The following GAS7 variants were observed in gnomAD, a reference collection of about 807,000 sequenced individuals.
The protein encoded by GAS7 is growth arrest-specific protein 7.
GAS7 carries 28 observed loss-of-function variants against 71.1 expected under a neutral mutation model. That is an observed-to-expected ratio of 0.39 (90% CI 0.29 to 0.54). GAS7 has a LOEUF of 0.54. Among genes scored for constraint, GAS7 ranks in the 20% least tolerant of loss-of-function variants. GAS7 has a pLI of 0.62. For synonymous variants in GAS7, 258 were observed against 245.8 expected, an observed-to-expected ratio of 1.05 and a Z score of -0.46; for missense variants, 436 against 627.8, an observed-to-expected ratio of 0.69 and a Z score of 3.27.
At chr17:10,168,255 AAAT>A (rs2074309853) in intron 1 of GAS7, among the ~76,000 whole-genome samples, 1 of 152,372 alleles carries the variant, frequency 6.6e-6, no homozygotes, top group Admixed American at 6.5e-5. Context: ...TAACAAAAAA[AAAT>A]AACTTCAAGA....
intron 1 of GAS7, among the ~76,000 whole-genome samples, chr17:10,091,748 C>A (rs1285827968): frequency 6.6e-6 from 1 of 152,118 alleles, no homozygotes; most frequent in African/African-American, 2.4e-5. Flanking sequence ...GTGACACCAT[C>A]TCGGCTCACT....
At chr17:10,151,017 G>A (rs1285477908) in intron 1 of GAS7, among the ~76,000 whole-genome samples, 1 of 152,178 alleles carries the variant, frequency 6.6e-6, no homozygotes, top group Admixed American at 6.5e-5. Context: ...AACGCATGAA[G>A]TTGTTGTTAG....
chr17:10,078,755 A>G (rs1036639045), intron 1 of GAS7, among the ~76,000 whole-genome samples: 1 of 152,214 alleles, frequency 6.6e-6, no homozygotes, highest in Non-Finnish European at 1.5e-5. Flanking sequence ...TAAACATATC[A>G]TTTAGAAAAA....
intron 13 of GAS7, 49 bp from the exon 14 acceptor site, chr17:9,917,390 C>T: frequency 7.8e-7 from 1 of 1,276,834 alleles, no homozygotes; most frequent in Non-Finnish European, 1.1e-6. Context: ...GCGGCCAAGC[C>T]AGGGAGGTCT....
Position 9,912,290 on chromosome 17 carries a change from T to C in GAS7, c.*4938A>G, listed in dbSNP as rs1408788688. 2 of 232,898 alleles carry C rather than the reference T, an allele frequency of 8.6e-6. No homozygotes were observed. Among genetic ancestry groups the C allele is most frequent in the East Asian group, 1.2e-4 (2 of 16,534 alleles). 14.4% of individuals were successfully genotyped at this position (232,898 alleles called of 1,614,324 possible). A position where few individuals can be genotyped will look rare whatever the true frequency, so the allele number is the denominator to read the frequency against. Reference sequence around the variant, plus strand: ...GTGCAGATGAGAGCCAGACACAGCATGAACACGTGTACAGGGTACATCATT... The same window carrying C: ...GTGCAGATGAGAGCCAGACACAGCACGAACACGTGTACAGGGTACATCATT... On this transcript the variant is annotated 3_prime_UTR_variant, in exon 14 of 14. Coordinates refer to ENST00000432992, the MANE Select transcript of GAS7 (RefSeq NM_201433.2).
intron 1 of GAS7, among the ~76,000 whole-genome samples, chr17:10,158,944 A>C (rs2953446): frequency 1 from 150,440 of 150,440 alleles, 75,220 homozygotes; most frequent in Non-Finnish European, 1. Flanking sequence ...GTAGTCCCAG[A>C]TACTCGGGAG....
intron 1 of GAS7, among the ~76,000 whole-genome samples, chr17:10,051,369 G>T (rs1013070285): frequency 2.6e-5 from 4 of 152,134 alleles, no homozygotes. Context: ...GACATAAACT[G>T]AGCTGACTGA....
chr17:9,935,323 T>C (rs2068361116), intron 8 of GAS7, among the ~76,000 whole-genome samples: 1 of 152,248 alleles, frequency 6.6e-6, no homozygotes, highest in Non-Finnish European at 1.5e-5. Context: ...AGGCTTCACG[T>C]AGAAGAAATC....
intron 1 of GAS7, among the ~76,000 whole-genome samples, chr17:10,189,843 G>A (rs1292490778): frequency 3.3e-5 from 5 of 151,852 alleles, no homozygotes; most frequent in South Asian, 2.1e-4. Flanking sequence ...GGAAGCTGAG[G>A]CATGAAAATC....
rs528408025 is a variant in GAS7 at position 10,132,710 on chromosome 17, G to T, written c.183+65498C>A. 1.1e-4 allele frequency among the ~76,000 whole-genome samples: 17 copies of T among 152,170 alleles called. No homozygotes were observed. In the South Asian group the frequency reaches 3.5e-3, roughly 32 times the overall value. ...TTGAACCCAGGAGGCGGAGGGTGCA[G>T]TGAGCCAAGATTGTACCAGTCTGGG... On this transcript the variant is annotated intron_variant, in intron 1 of 13. Coordinates refer to ENST00000432992, the MANE Select transcript of GAS7 (RefSeq NM_201433.2).
At chr17:10,174,712 AT>A (rs376999238) in intron 1 of GAS7, among the ~76,000 whole-genome samples, 33 of 151,678 alleles carry the variant, frequency 2.2e-4, no homozygotes, top group African/African-American at 5.6e-4. Context: ...ATTAAAAAAA[AT>A]AAAAAACAAT....
intron 1 of GAS7, among the ~76,000 whole-genome samples, chr17:10,030,732 C>G (rs956974183): frequency 1.3e-5 from 2 of 152,218 alleles, no homozygotes; most frequent in Admixed American, 1.3e-4. Flanking sequence ...TCTTCCAAAC[C>G]TGGCACTATC....
chr17:10,193,091 G>A (rs796315038), intron 1 of GAS7, among the ~76,000 whole-genome samples: 11 of 152,204 alleles, frequency 7.2e-5, no homozygotes, highest in Admixed American at 2.0e-4. Context: ...ATGTCAGGGA[G>A]CTCAGATCCA....
In GAS7 at chr17:10,186,283, G is replaced by A. The variant is rs140211670; in HGVS notation, c.183+11925C>T. On this transcript the variant is annotated intron_variant, in intron 1 of 13. Transcript: ENST00000432992. ...GAGTCTGCATTTTAACAAGAGCCTC[G>A]AGTGATATGCACACCCATTCATGTT... Among the ~76,000 whole-genome samples the A allele has an allele frequency of 1.1e-3, 174 of 151,888 alleles. 1 individual carries two copies. In the South Asian group the frequency reaches 0.015, roughly 13 times the overall value.
intron 1 of GAS7, among the ~76,000 whole-genome samples, chr17:10,136,857 G>T (rs112981826): frequency 1.3e-5 from 2 of 152,036 alleles, no homozygotes; most frequent in African/African-American, 2.4e-5. Flanking sequence ...CGTGGCTCAC[G>T]CCTGTAAAAA....
intron 1 of GAS7, among the ~76,000 whole-genome samples, chr17:10,078,525 G>C (rs1443924201): frequency 6.6e-6 from 1 of 152,174 alleles, no homozygotes; most frequent in East Asian, 1.9e-4. Flanking sequence ...AGAAGTAGAA[G>C]GCAATCAGTA....
rs548256142 is a variant in GAS7 at position 9,974,340 on chromosome 17, G to A, written c.386-4578C>T. On this transcript the variant is annotated intron_variant, in intron 3 of 13. Coordinates refer to ENST00000432992, the MANE Select transcript of GAS7 (RefSeq NM_201433.2). The surrounding 1 kb of genome is among the most constrained non-coding windows in gnomAD (Gnocchi z 4.0). Reference sequence around the variant, plus strand: ...CAAGATCCTGGCAACCCTCACCCACGGCATTCCTCATTGCTATTCCCTGTC... The same window carrying A: ...CAAGATCCTGGCAACCCTCACCCACAGCATTCCTCATTGCTATTCCCTGTC... 3.9e-5 allele frequency among the ~76,000 whole-genome samples: 6 copies of A among 152,098 alleles called. No individual in the cohort carries two copies. The East Asian group carries it at 9.7e-4, about 25-fold the overall frequency.
chr17:10,145,636 T>C (rs1478948728), intron 1 of GAS7, among the ~76,000 whole-genome samples: 8 of 152,192 alleles, frequency 5.3e-5, no homozygotes, highest in African/African-American at 1.7e-4. Flanking sequence ...TCAGGGGGCA[T>C]TGGCAGTTCC....
intron 4 of GAS7, among the ~76,000 whole-genome samples, chr17:9,967,125 C>T (rs2069748947): frequency 6.6e-6 from 1 of 151,742 alleles, no homozygotes; most frequent in Non-Finnish European, 1.5e-5. Context: ...CCTGCATCTC[C>T]AGAGCTCGCC....
Sources: allele counts gnomAD v4.1 joint callset (sites outside exome capture counted in the v4.1 genomes callset), GRCh38; gene constraint gnomAD v4.1.1; non-coding constraint Gnocchi (gnomAD v3.1); transcripts MANE v1.5; gene names NCBI Gene and HGNC (gene_info 2026-07-23, HGNC 2026-07-21).